Variants in SLC26A3 observed in about 807,000 individuals in gnomAD.
SLC26A3 encodes the protein chloride anion exchanger.
Under a neutral mutation model 85.6 loss-of-function variants are expected in SLC26A3, and 64 were observed. That is an observed-to-expected ratio of 0.75 (90% CI 0.61 to 0.92). SLC26A3 has a LOEUF of 0.92. Ranked by LOEUF, SLC26A3 falls within the 40% of genes least tolerant of loss-of-function variation. The pLI is 0.00. For synonymous variants in SLC26A3, 349 were observed against 336.0 expected (o/e 1.04, Z -0.42); for missense variants, 922 against 927.3 (o/e 0.99, Z 0.07).
rs1198556755 is a variant in SLC26A3 at position 107,776,225 on chromosome 7, A to T, written c.1677+227T>A. 4 of 551,418 alleles carry T rather than the reference A, an allele frequency of 7.3e-6. No individual in the cohort carries two copies. In the African/African-American group the frequency reaches 7.5e-5, roughly 10 times the overall value. 34.2% of individuals were successfully genotyped at this position (551,418 alleles called of 1,614,324 possible). ...CTCTACATCAGAATTTGAGAAAAGGATTCTTCTATATTAGATGTCATCTGA... is the reference window on the plus strand; with the variant it reads ...CTCTACATCAGAATTTGAGAAAAGGTTTCTTCTATATTAGATGTCATCTGA... On this transcript the variant is annotated intron_variant, in intron 15 of 20. Coordinates refer to ENST00000340010, the MANE Select transcript of SLC26A3 (RefSeq NM_000111.3).
At chr7:107,769,721 A>G (rs12056241) in intron 18 of SLC26A3, among the ~76,000 whole-genome samples, 3 of 152,308 alleles carry the variant, frequency 2.0e-5, no homozygotes, top group East Asian at 1.9e-4. Flanking sequence ...GTACCCCTGA[A>G]CTTAAAAGTT....
In SLC26A3 at chr7:107,779,519, A is replaced by C. The variant is rs1794181672; in HGVS notation, c.1407+149T>G. ...ATGACCATTAGAATATGCAATTTAA[A>C]AATAGCAAATAAAACAAACTAAGGT... On this transcript the variant is annotated intron_variant, in intron 12 of 20. Coordinates refer to ENST00000340010, the MANE Select transcript of SLC26A3 (RefSeq NM_000111.3). The C allele has an allele frequency of 5.9e-6, 4 of 679,026 alleles. No individual in the cohort carries two copies. In the South Asian group the frequency reaches 7.1e-5, roughly 12 times the overall value. The allele number at this position is 679,026 out of a possible 1,614,324, so 42.1% of individuals were successfully genotyped here. A position where few individuals can be genotyped will look rare whatever the true frequency, so the allele number is the denominator to read the frequency against.
At chr7:107,790,662 A>C (rs1794380636) in intron 5 of SLC26A3, among the ~76,000 whole-genome samples, 1 of 152,192 alleles carries the variant, frequency 6.6e-6, no homozygotes, top group Non-Finnish European at 1.5e-5. Context: ...GAAGAATTAA[A>C]GAAAAAAATT....
At chr7:107,801,264 CT>C (rs1794595057) in intron 1 of SLC26A3, among the ~76,000 whole-genome samples, 1 of 152,220 alleles carries the variant, frequency 6.6e-6, no homozygotes, top group Non-Finnish European at 1.5e-5. Context: ...ACTACGTCTT[CT>C]TCTCTGCTAC....
intron 12 of SLC26A3, 78 bp from the exon 13 acceptor site, chr7:107,778,359 A>ATTTTTTTTTTTTTTTTTTTTTT (rs1794155924): frequency 2.2e-6 from 1 of 451,212 alleles, no homozygotes; most frequent in African/African-American, 6.5e-5. Context: ...TTTTAAAAAG[A>ATTTTTTTTTTTTTTTTTTTTTT]CTTTTTTTTT....
chr7:107,790,772 T>C (rs1045079672), intron 5 of SLC26A3, among the ~76,000 whole-genome samples: 2 of 151,442 alleles, frequency 1.3e-5, no homozygotes, highest in African/African-American at 4.8e-5. Context: ...TTCCCAGATA[T>C]ATGTTGAAGC....
chr7:107,780,010 T>C (rs898138731), intron 11 of SLC26A3, among the ~76,000 whole-genome samples: 5 of 152,048 alleles, frequency 3.3e-5, no homozygotes, highest in African/African-American at 1.2e-4. Context: ...ATGAGATAGA[T>C]GATCTGATGG....
chr7:107,794,233 C>A, intron 2 of SLC26A3, 146 bp downstream of exon 2: 1 of 914,134 alleles, frequency 1.1e-6, no homozygotes, highest in South Asian at 1.5e-5. Context: ...CCAACTCTGT[C>A]AGGGAGTAGG....
At position 107,767,454 on chromosome 7, in the gene SLC26A3, G is replaced by A. The variant is rs1793933401; in HGVS notation, c.2271+125C>T. The A allele has an allele frequency of 3.0e-5, 22 of 742,124 alleles. No individual in the cohort carries two copies. The South Asian group carries it at 3.1e-4, about 10-fold the overall frequency. The allele number at this position is 742,124 out of a possible 1,614,324, so 46.0% of individuals were successfully genotyped here. A position where few individuals can be genotyped will look rare whatever the true frequency, so the allele number is the denominator to read the frequency against. On this transcript the variant is annotated intron_variant, in intron 20 of 20. Coordinates refer to ENST00000340010, the MANE Select transcript of SLC26A3 (RefSeq NM_000111.3). ...GTTAGCATTGCTTCAGTTTTCTAGGGATGAGGCACAGAGGCTCAAGCAAGT... is the reference window on the plus strand; with the variant it reads ...GTTAGCATTGCTTCAGTTTTCTAGGAATGAGGCACAGAGGCTCAAGCAAGT...
Position 107,765,676 on chromosome 7 carries a change from A to G in SLC26A3, c.*179T>C, listed in dbSNP as rs1040356113. 9.1e-6 allele frequency: 5 copies of G among 547,408 alleles called. No homozygotes were observed. Among genetic ancestry groups the G allele is most frequent in the Middle Eastern group, 9.6e-4 (2 of 2,088 alleles). 33.9% of individuals were successfully genotyped at this position (547,408 alleles called of 1,614,324 possible). A position where few individuals can be genotyped will look rare whatever the true frequency, so the allele number is the denominator to read the frequency against. ...AAGATATAAAATTTAGAATACTTAT[A>G]TAATTTCATACTAGATATGTGAAAA... On this transcript the variant is annotated 3_prime_UTR_variant, in exon 21 of 21. Coordinates refer to ENST00000340010, the MANE Select transcript of SLC26A3 (RefSeq NM_000111.3).
rs10681903 is a variant in SLC26A3 at position 107,778,360 on chromosome 7, C to CTTTTTTTTTTT, written c.1408-90_1408-80dup. 7,226 of 461,602 alleles carry CTTTTTTTTTTT rather than the reference C, an allele frequency of 0.016. 274 individuals carry two copies. The highest frequency in any genetic ancestry group is 0.038 in the African/African-American group (1,150 of 30,630). 28.6% of individuals were successfully genotyped at this position (461,602 alleles called of 1,614,324 possible). ...GTCGAGACGGGGTCTTTTAAAAAGACTTTTTTTTTTTTTTTTTGTAGCGAC... is the reference window on the plus strand; with the variant it reads ...GTCGAGACGGGGTCTTTTAAAAAGACTTTTTTTTTTTTTTTTTTTTTTTTTTTTGTAGCGAC... On this transcript the variant is annotated intron_variant, in intron 12 of 20. Transcript: ENST00000340010.
chr7:107,783,241 A>C lies in SLC26A3; in HGVS notation c.1083T>G (p.Tyr361Ter). ...FAVAFSVASV[Y>*]SLKYDYPLDG... ...CAAGTGGATAATCGTATTTGAGGGA[A>C]TAGACGCTGGCAACTGAAAAGGCCA... is the stretch of plus-strand genomic sequence containing the variant. Residue 361 changes from tyrosine to a stop codon, truncating the protein, a stop_gained, in exon 9 of 21, where the codon TAT (tyrosine) becomes TAG (stop). Coordinates refer to ENST00000340010, the MANE Select transcript of SLC26A3 (RefSeq NM_000111.3). LOFTEE classifies it high-confidence loss of function. 2 of 1,614,230 alleles carry C rather than the reference A, an allele frequency of 1.2e-6. No individual in the cohort carries two copies. Among genetic ancestry groups the C allele is most frequent in the Non-Finnish European group, 1.7e-6 (2 of 1,180,038 alleles).
intron 3 of SLC26A3, 60 bp downstream of exon 3, chr7:107,793,681 GC>G: frequency 7.8e-7 from 1 of 1,288,940 alleles, no homozygotes; most frequent in Non-Finnish European, 1.1e-6. Flanking sequence ...AAGTCCCTGA[GC>G]TGTACACATT....
Position 107,793,860 on chromosome 7 carries a change from C to G in SLC26A3, c.153G>C (p.Lys51Asn). Residue 51 changes from lysine to asparagine, a missense_variant, in exon 3 of 21, where the codon AAG (lysine) becomes AAC (asparagine). Lys to Asn is a moderately conservative substitution (Grantham distance 94). Transcript: ENST00000340010. The part of the protein sequence containing the change: ...VCCSCSPQKA[K>N]RIVLSLFPIA... ...TGGGGAACAAAGAGAGGACAATTCT[C>G]TTGGCCTTTTGTGGGGAACAGCTGA... 1 of 1,614,086 alleles carries G rather than the reference C, an allele frequency of 6.2e-7. No homozygotes were observed. The highest frequency in any genetic ancestry group is 8.5e-7 in the Non-Finnish European group (1 of 1,179,974).
intron 6 of SLC26A3, among the ~76,000 whole-genome samples, chr7:107,788,315 G>T (rs1416517294): frequency 6.6e-6 from 1 of 152,118 alleles, no homozygotes; most frequent in African/African-American, 2.4e-5. Flanking sequence ...AATAATCTAT[G>T]TTATTAAAAG....
rs1326368833 is a variant in SLC26A3 at position 107,765,890 on chromosome 7, CAG to C, written c.2272-14_2272-13del. 33 of 1,608,334 alleles carry C rather than the reference CAG, an allele frequency of 2.1e-5. No individual in the cohort carries two copies. The highest frequency in any genetic ancestry group is 2.6e-5 in the Non-Finnish European group (31 of 1,175,352). ...GTTTCAACTGGCACCTGGAAGAAGA[CAG>C]AAAGTTCTTGTTTTAAAATACTCGT... On this transcript the variant is annotated splice_polypyrimidine_tract_variant and intron_variant, in intron 20 of 20. Transcript: ENST00000340010.
intron 11 of SLC26A3, among the ~76,000 whole-genome samples, chr7:107,780,619 A>C (rs1584405726): frequency 6.6e-6 from 1 of 152,326 alleles, no homozygotes; most frequent in East Asian, 1.9e-4. Context: ...GTACAAAGAA[A>C]AGCCAAATAC....
intron 1 of SLC26A3, among the ~76,000 whole-genome samples, chr7:107,801,343 C>G (rs918432617): frequency 6.8e-6 from 1 of 147,986 alleles, no homozygotes; most frequent in African/African-American, 2.6e-5. Flanking sequence ...AGGTGAGGCA[C>G]CATCAGGGTC....
chr7:107,802,742 C>CTTTTTTTTTTTTTTT (rs35087147), intron 1 of SLC26A3, among the ~76,000 whole-genome samples: 5 of 110,772 alleles, frequency 4.5e-5, no homozygotes, highest in African/African-American at 1.4e-4. Flanking sequence ...TTAAAGCTTG[C>CTTTTTTTTTTTTTTT]TTTTTTTTTT....
Sources: allele counts gnomAD v4.1 joint callset (sites outside exome capture counted in the v4.1 genomes callset), GRCh38; gene constraint gnomAD v4.1.1; transcripts MANE v1.5; gene names NCBI Gene and HGNC (gene_info 2026-07-23, HGNC 2026-07-21).